Variants in EXT1 observed in about 807,000 individuals in gnomAD.
EXT1 encodes exostosin glycosyltransferase 1, also known as exostosin-1.
EXT1 carries 20 observed loss-of-function variants against 82.5 expected under a neutral mutation model. That is an observed-to-expected ratio of 0.24 (90% CI 0.17 to 0.35). EXT1 has a LOEUF of 0.35. Among genes scored for constraint, EXT1 ranks in the 10% least tolerant of loss-of-function variants. The pLI is 1.00. For synonymous variants in EXT1, 348 were observed against 350.8 expected (o/e 0.99, Z 0.09); for missense variants, 757 against 936.5 (o/e 0.81, Z 2.50).
intron 1 of EXT1, among the ~76,000 whole-genome samples, chr8:117,964,435 G>A (rs903161611): frequency 2.6e-5 from 4 of 152,198 alleles, no homozygotes; most frequent in Admixed American, 6.5e-5. Context: ...GAGGATAGTG[G>A]ACAGAGGTTA....
rs145784415 is a variant in EXT1, at chr8:117,814,343, C to A, written c.1633-1382G>T. Among the ~76,000 whole-genome samples the A allele has an allele frequency of 3.6e-4, 54 of 151,830 alleles. No individual in the cohort carries two copies. In the Middle Eastern group the frequency reaches 0.01, roughly 29 times the overall value. ...ACCCTGTGATAGTCACAACTTAAAC[C>A]TTTGTGTTGAATGTACCATAGAGGA... On this transcript the variant is annotated intron_variant, in intron 7 of 10. Transcript: ENST00000378204.
At chr8:118,091,778 C>T (rs1220839733) in intron 1 of EXT1, among the ~76,000 whole-genome samples, 1 of 139,522 alleles carries the variant, frequency 7.2e-6, no homozygotes, top group Non-Finnish European at 1.6e-5. Context: ...TCTAACTCTC[C>T]CTCTCTCTCT....
At chr8:117,908,606 G>C (rs1056162883) in intron 1 of EXT1, among the ~76,000 whole-genome samples, 3 of 151,716 alleles carry the variant, frequency 2.0e-5, no homozygotes, top group Non-Finnish European at 4.4e-5. Context: ...CTCCAGCCCG[G>C]GCAACAGAGC....
At chr8:117,977,483 AAAG>A (rs892022207) in intron 1 of EXT1, among the ~76,000 whole-genome samples, 4 of 152,266 alleles carry the variant, frequency 2.6e-5, no homozygotes, top group African/African-American at 9.6e-5. Context: ...GTTAGTAGGA[AAAG>A]AAGTTGTCAG....
chr8:117,890,116 G>C (rs890934707), intron 1 of EXT1, among the ~76,000 whole-genome samples: 1 of 152,194 alleles, frequency 6.6e-6, no homozygotes, highest in African/African-American at 2.4e-5. Context: ...AGTAAGAATA[G>C]TAACTTATTT....
At chr8:117,829,569 C>CTTTTTTTTTTTTTTTTTT (rs35823668) in intron 4 of EXT1, among the ~76,000 whole-genome samples, 3 of 96,872 alleles carry the variant, frequency 3.1e-5, no homozygotes, top group Non-Finnish European at 2.1e-5. Context: ...ATATATTTTT[C>CTTTTTTTTTTTTTTTTTT]TTTTTTTTTT....
chr8:117,812,255 C>T (rs1325420454), intron 8 of EXT1, among the ~76,000 whole-genome samples: 1 of 152,120 alleles, frequency 6.6e-6, no homozygotes. Context: ...TGGTTTTCTA[C>T]CATATCTATC....
intron 1 of EXT1, among the ~76,000 whole-genome samples, chr8:118,025,380 A>G (rs973147933): frequency 6.6e-6 from 1 of 152,186 alleles, no homozygotes; most frequent in Non-Finnish European, 1.5e-5. Context: ...ATGTTGGCTC[A>G]TGGAATAAAA....
intron 1 of EXT1, among the ~76,000 whole-genome samples, chr8:117,860,002 C>G (rs929551735): frequency 8.6e-5 from 13 of 151,930 alleles, no homozygotes; most frequent in African/African-American, 2.9e-4. Context: ...CAAAAATTAG[C>G]CGGATATGGT....
chr8:118,009,979 C>G (rs1815861916), intron 1 of EXT1, among the ~76,000 whole-genome samples: 1 of 152,152 alleles, frequency 6.6e-6, no homozygotes, highest in Non-Finnish European at 1.5e-5. Context: ...TGGCTAAGAG[C>G]TAACAGGTAG....
chr8:118,055,344 C>G (rs1816778847), intron 1 of EXT1, among the ~76,000 whole-genome samples: 1 of 152,178 alleles, frequency 6.6e-6, no homozygotes, highest in Non-Finnish European at 1.5e-5. Context: ...GAATATTATT[C>G]CACTGCATGG....
chr8:118,023,402 T>C (rs1040283662), intron 1 of EXT1, among the ~76,000 whole-genome samples: 33 of 152,208 alleles, frequency 2.2e-4, no homozygotes, highest in African/African-American at 7.2e-4. Flanking sequence ...TAATAGCAAA[T>C]ACTTCTTCCT....
intron 1 of EXT1, among the ~76,000 whole-genome samples, chr8:118,096,671 GAA>G: frequency 1.1e-5 from 1 of 91,932 alleles, no homozygotes; most frequent in African/African-American, 5.9e-5. Context: ...AGGAAGGAAG[GAA>G]GGGAGGGAGG....
intron 1 of EXT1, among the ~76,000 whole-genome samples, chr8:118,085,366 G>A (rs374216027): frequency 3.2e-4 from 48 of 152,176 alleles, no homozygotes; most frequent in East Asian, 2.7e-3. Flanking sequence ...TAGCTTAGGC[G>A]TGGGGGACAA....
intron 1 of EXT1, among the ~76,000 whole-genome samples, chr8:118,107,031 G>A (rs1014353135): frequency 7.2e-5 from 11 of 152,104 alleles, no homozygotes; most frequent in Non-Finnish European, 1.3e-4. Context: ...TGTAATCAAC[G>A]TCTAATTTTC....
chr8:117,854,972 C>A (rs1563580706), intron 1 of EXT1, among the ~76,000 whole-genome samples: 1 of 152,158 alleles, frequency 6.6e-6, no homozygotes, highest in Non-Finnish European at 1.5e-5. Context: ...GATTTTGGTG[C>A]CCATTGCAAT....
chr8:117,871,305 T>G (rs1465852813), intron 1 of EXT1, among the ~76,000 whole-genome samples: 20 of 152,190 alleles, frequency 1.3e-4, no homozygotes, highest in Admixed American at 1.2e-3. Context: ...GCAGTACTGT[T>G]TCTTTCAACA....
At position 117,795,167 on chromosome 8, in the gene EXT1, C is replaced by T. The variant is rs566911188; in HGVS notation, c.*4545G>A. On this transcript the variant is annotated 3_prime_UTR_variant, in exon 11 of 11. Transcript: ENST00000378204. ...AGACTGTGCTATCCTGAGGGCTCAG[C>T]TTTCTCAAGGTTTGCCTTCTTCTCC... The T allele has an allele frequency of 1.3e-5, 2 of 152,178 alleles. No homozygotes were observed. Among genetic ancestry groups the T allele is most frequent in the Non-Finnish European group, 2.9e-5 (2 of 68,040 alleles). 9.4% of individuals were successfully genotyped at this position (152,178 alleles called of 1,614,324 possible). A position where few individuals can be genotyped will look rare whatever the true frequency, so the allele number is the denominator to read the frequency against.
At chr8:117,822,318 A>T in intron 5 of EXT1, 147 bp downstream of exon 5, 1 of 875,052 alleles carries the variant, frequency 1.1e-6, no homozygotes, top group South Asian at 1.5e-5. Context: ...TGAACTTGAT[A>T]TGTCACTTAT....
Sources: gnomAD v4.1 joint callset for allele counts (sites outside exome capture counted in the v4.1 genomes callset) on GRCh38, gnomAD v4.1.1 for gene constraint, MANE v1.5 for transcripts, NCBI Gene and HGNC (gene_info 2026-07-23, HGNC 2026-07-21) for gene names.